The following MASP1 variants were observed in gnomAD, a reference collection of about 807,000 sequenced individuals.
MASP1 encodes mannan-binding lectin serine protease 1.
In MASP1, 59 loss-of-function variants were observed where a neutral mutation model predicts 77.1. The ratio of observed to expected loss-of-function variants is 0.77; its 90% CI spans 0.62 to 0.95. MASP1 has a LOEUF of 0.95. Ranked by LOEUF, MASP1 falls within the 40% of genes least tolerant of loss-of-function variation. The pLI is 0.00. For synonymous variants in MASP1, 362 were observed against 354.5 expected, an observed-to-expected ratio of 1.02 and a Z score of -0.24; for missense variants, 885 against 912.9, an observed-to-expected ratio of 0.97 and a Z score of 0.39.
intron 9 of MASP1, 86 bp downstream of exon 9, chr3:187,243,398 T>C (rs1045848423): frequency 2.1e-6 from 3 of 1,415,292 alleles, no homozygotes; most frequent in African/African-American, 1.4e-5. Flanking sequence ...CAGTTCTTCC[T>C]TTCACAGCTG....
intron 1 of MASP1, among the ~76,000 whole-genome samples, chr3:187,288,146 A>G (rs1718006298): frequency 6.6e-6 from 1 of 152,216 alleles, no homozygotes; most frequent in Non-Finnish European, 1.5e-5. Context: ...CTACAATAGC[A>G]ATATGTGAGA....
intron 5 of MASP1, among the ~76,000 whole-genome samples, chr3:187,253,519 C>T (rs1714809003): frequency 6.6e-6 from 1 of 152,138 alleles, no homozygotes; most frequent in African/African-American, 2.4e-5. Flanking sequence ...TTTACAATGG[C>T]TCTTGACGTG....
chr3:187,260,488 T>C (rs145768179), intron 4 of MASP1, among the ~76,000 whole-genome samples: 1 of 152,334 alleles, frequency 6.6e-6, no homozygotes, highest in African/African-American at 2.4e-5. Context: ...GACAGCAACC[T>C]GTATAGTGAA....
intron 8 of MASP1, chr3:187,246,764 C>T (rs1714114224): frequency 2.1e-6 from 2 of 969,212 alleles, no homozygotes; most frequent in Admixed American, 5.5e-5. Flanking sequence ...ACATTTCAGC[C>T]CTGCGCCAGA....
chr3:187,277,665 G>T (rs1405581465), intron 2 of MASP1, among the ~76,000 whole-genome samples: 1 of 152,200 alleles, frequency 6.6e-6, no homozygotes. Context: ...GGAGTTAGAA[G>T]AGCAGGGATT....
chr3:187,256,367 G>A (rs56057313), intron 5 of MASP1, among the ~76,000 whole-genome samples: 13 of 152,110 alleles, frequency 8.5e-5, no homozygotes, highest in African/African-American at 3.1e-4. Flanking sequence ...CCTGTGTGAC[G>A]GCATGGGAGG....
chr3:187,278,623 T>A (rs1452890937), intron 2 of MASP1, among the ~76,000 whole-genome samples: 1 of 152,198 alleles, frequency 6.6e-6, no homozygotes, highest in African/African-American at 2.4e-5. Context: ...AATCTACACA[T>A]CTTCACGTTC....
chr3:187,262,790 A>G (rs1313407228), intron 2 of MASP1, 70 bp from the exon 3 acceptor site: 1 of 1,438,062 alleles, frequency 7.0e-7, no homozygotes, highest in African/African-American at 1.4e-5. Context: ...TATCTTTAGA[A>G]AGAAAAAGGA....
rs770159554 is a variant in MASP1, at chr3:187,235,989, C to T, written c.1882G>A (p.Ala628Thr). 8.1e-6 allele frequency: 13 copies of T among 1,614,100 alleles called. No individual in the cohort carries two copies. The highest frequency in any genetic ancestry group is 6.7e-5 in the East Asian group (3 of 44,894). Residue 628 changes from alanine to threonine, a missense_variant, in exon 11 of 11, where the codon GCT becomes ACT. By Grantham distance (58) the Ala-to-Thr change is moderately conservative (BLOSUM62 0). Coordinates refer to ENST00000296280, the MANE Select transcript of MASP1 (RefSeq NM_139125.4). ...GACTCATAGCTAGTTTTGCACTCAGCGTGAGGCACCACGGGTAACTTGACA... is the reference window on the plus strand; with the variant it reads ...GACTCATAGCTAGTTTTGCACTCAGTGTGAGGCACCACGGGTAACTTGACA... ...QYVKLPVVPH[A>T]ECKTSYESRS...
Position 187,262,709 on chromosome 3 carries a change from C to T in MASP1, c.249G>A (p.Glu83=). ...CEYDYVKVET[E]DQVLATFCGR... ...CACAGAAGGTTGCCAGCACCTGGTC[C>T]TCAGTTTCTACCTTTGAGGTCAAAG... Residue 83 remains glutamate, a synonymous_variant, in exon 3 of 11, where the codon GAG becomes GAA. Transcript: ENST00000296280. 1.2e-6 allele frequency: 2 copies of T among 1,614,040 alleles called. No homozygotes were observed. Among genetic ancestry groups the T allele is most frequent in the Non-Finnish European group, 8.5e-7 (1 of 1,179,990 alleles).
chr3:187,223,275 C>G, intron 13 of MASP1: 2 of 1,119,728 alleles, frequency 1.8e-6, no homozygotes, highest in Non-Finnish European at 2.7e-6. Context: ...CTCCATCATC[C>G]TCTTCTGTGG....
In MASP1 at chr3:187,260,861, ACT is replaced by A; in HGVS notation, c.425_426del (p.Glu142ValfsTer12). 1 of 1,613,992 alleles carries A rather than the reference ACT, an allele frequency of 6.2e-7. No individual in the cohort carries two copies. Among genetic ancestry groups the A allele is most frequent in the Non-Finnish European group, 8.5e-7 (1 of 1,179,958 alleles). On this transcript the variant is annotated frameshift_variant, in exon 4 of 11. Coordinates refer to ENST00000296280, the MANE Select transcript of MASP1 (RefSeq NM_139125.4). LOFTEE classifies it high-confidence loss of function. ...DAHYMAVDVD[E>X]CKEREDEELS... ...AGCTCCTCGTCCTCCCTCTCCTTGC[ACT>A]CGTCCACATCTGTAGGGCAGGTAAA...
intron 1 of MASP1, among the ~76,000 whole-genome samples, chr3:187,287,560 G>A (rs1717963524): frequency 6.6e-6 from 1 of 152,166 alleles, no homozygotes; most frequent in Non-Finnish European, 1.5e-5. Flanking sequence ...TGGGCAACTA[G>A]TCTCCCTGAG....
intron 2 of MASP1, among the ~76,000 whole-genome samples, chr3:187,263,856 A>G (rs530325505): frequency 6.6e-6 from 1 of 152,298 alleles, no homozygotes; most frequent in African/African-American, 2.4e-5. Flanking sequence ...TTCGTATGAT[A>G]GCTAGTTGGT....
intron 14 of MASP1, chr3:187,221,262 A>C: frequency 1.4e-6 from 1 of 709,084 alleles, no homozygotes; most frequent in South Asian, 1.5e-5. Context: ...ACTTGATCTA[A>C]GAGACTGCCC....
chr3:187,229,750 T>A (rs562143098), downstream of MASP1: 23 of 1,614,050 alleles, frequency 1.4e-5, no homozygotes, highest in South Asian at 2.2e-4. Flanking sequence ...CCCTTCCACC[T>A]TCTCCCTACC....
intron 2 of MASP1, among the ~76,000 whole-genome samples, chr3:187,269,827 G>C (rs1173891179): frequency 6.6e-6 from 1 of 151,974 alleles, no homozygotes; most frequent in Non-Finnish European, 1.5e-5. Flanking sequence ...CTTTTCTTTT[G>C]GGTTCAGAGA....
At chr3:187,283,504 G>C (rs1717599802) in intron 2 of MASP1, among the ~76,000 whole-genome samples, 1 of 152,150 alleles carries the variant, frequency 6.6e-6, no homozygotes, top group Admixed American at 6.5e-5. Context: ...TCAAACTTAA[G>C]AGAAAGAGTT....
chr3:187,252,065 C>T lies in MASP1; in HGVS notation c.893-313G>A, dbSNP rs80151906. ...CTGATGCTTCTCTTAAAATATCCTC[C>T]GCAGTAGATGCCAAACAGACTGCTC... is the stretch of plus-strand genomic sequence containing the variant. On this transcript the variant is annotated intron_variant, in intron 6 of 10. Coordinates refer to ENST00000296280, the MANE Select transcript of MASP1 (RefSeq NM_139125.4). Among the ~76,000 whole-genome samples the T allele has an allele frequency of 0.026, 4,014 of 152,180 alleles. 178 individuals are homozygous for T. The highest frequency in any genetic ancestry group is 0.13 in the East Asian group (680 of 5,176).
Sources: allele counts gnomAD v4.1 joint callset (sites outside exome capture counted in the v4.1 genomes callset), GRCh38; gene constraint gnomAD v4.1.1; transcripts MANE v1.5; gene names NCBI Gene and HGNC (gene_info 2026-07-23, HGNC 2026-07-21).